SIK3: variants seen among roughly 807,000 people sequenced by gnomAD.
The protein encoded by SIK3 is serine/threonine-protein kinase SIK3.
In SIK3, 28 loss-of-function variants were observed where a neutral mutation model predicts 144.2. That is an observed-to-expected ratio of 0.19 (90% CI 0.14 to 0.27). SIK3 has a LOEUF of 0.27. Ranked by LOEUF, SIK3 falls within the 10% of genes least tolerant of loss-of-function variation. The pLI is 1.00. For synonymous variants in SIK3, 686 were observed against 676.3 expected, an observed-to-expected ratio of 1.01 and a Z score of -0.22; for missense variants, 1,319 against 1,776.0, an observed-to-expected ratio of 0.74 and a Z score of 4.62.
At chr11:116,894,246 G>A (rs1159123574) in intron 6 of SIK3, among the ~76,000 whole-genome samples, 1 of 152,004 alleles carries the variant, frequency 6.6e-6, no homozygotes, top group Non-Finnish European at 1.5e-5. Context: ...TTAATTCATG[G>A]ACCTCTTCTC....
intron 1 of SIK3, among the ~76,000 whole-genome samples, chr11:116,984,419 T>C (rs1950257105): frequency 6.6e-6 from 1 of 152,200 alleles, no homozygotes. Context: ...AATTCCTCAA[T>C]GCAATTTACC....
At chr11:116,871,733 T>C (rs1943980661) in intron 13 of SIK3, among the ~76,000 whole-genome samples, 1 of 152,122 alleles carries the variant, frequency 6.6e-6, no homozygotes. Context: ...ACTGACTTGA[T>C]ATGGCAAATA....
chr11:116,859,772 G>A (rs1048664466), intron 19 of SIK3, among the ~76,000 whole-genome samples, 168 bp from the exon 20 acceptor site: 1 of 152,148 alleles, frequency 6.6e-6, no homozygotes, highest in African/African-American at 2.4e-5. Flanking sequence ...AAGATTCCTG[G>A]GTCCTATCTA....
chr11:116,981,608 T>C (rs981247776), intron 1 of SIK3, among the ~76,000 whole-genome samples: 27 of 152,272 alleles, frequency 1.8e-4, no homozygotes, highest in Non-Finnish European at 2.6e-4. Context: ...ATCTGGAAAA[T>C]AGAATCTGCC....
chr11:116,934,130 T>C (rs1286325524), intron 3 of SIK3, among the ~76,000 whole-genome samples: 1 of 152,226 alleles, frequency 6.6e-6, no homozygotes, highest in African/African-American at 2.4e-5. Context: ...AAATGACACA[T>C]TCTACCCTAC....
chr11:117,013,294 C>A (rs1951346450), intron 1 of SIK3, among the ~76,000 whole-genome samples: 1 of 151,992 alleles, frequency 6.6e-6, no homozygotes, highest in African/African-American at 2.4e-5. Flanking sequence ...AGCTCGAGAC[C>A]AGCCTGGCCA....
chr11:117,095,679 T>G (rs572780632), intron 1 of SIK3, among the ~76,000 whole-genome samples: 7 of 152,368 alleles, frequency 4.6e-5, no homozygotes, highest in African/African-American at 1.7e-4. Flanking sequence ...CAGAGAAGCA[T>G]GGAGCAGGCC....
chr11:116,971,089 C>CTTT, intron 1 of SIK3, among the ~76,000 whole-genome samples: 1 of 152,158 alleles, frequency 6.6e-6, no homozygotes, highest in Non-Finnish European at 1.5e-5. Flanking sequence ...AGCATAACAC[C>CTTT]ACTGTTTGCC....
At chr11:116,852,739 G>A (rs1344918189) in intron 21 of SIK3, among the ~76,000 whole-genome samples, 1 of 152,222 alleles carries the variant, frequency 6.6e-6, no homozygotes, top group Non-Finnish European at 1.5e-5. Flanking sequence ...AACCCTGCTT[G>A]CAGAATTATG....
At chr11:116,914,610 C>T (rs964400037) in intron 4 of SIK3, among the ~76,000 whole-genome samples, 1 of 152,102 alleles carries the variant, frequency 6.6e-6, no homozygotes, top group African/African-American at 2.4e-5. Flanking sequence ...GGGGGAGATA[C>T]ACATGAAACA....
chr11:116,905,958 G>T (rs1946007148), intron 4 of SIK3, among the ~76,000 whole-genome samples: 1 of 152,254 alleles, frequency 6.6e-6, no homozygotes, highest in East Asian at 1.9e-4. Flanking sequence ...TTTAAATGTT[G>T]ATGAGGTCCA....
chr11:116,983,086 G>A (rs867526938), intron 1 of SIK3, among the ~76,000 whole-genome samples: 9 of 151,980 alleles, frequency 5.9e-5, no homozygotes, highest in Middle Eastern at 3.4e-3. Flanking sequence ...AATTAGCCGG[G>A]CGTGGTGGCA....
intron 1 of SIK3, among the ~76,000 whole-genome samples, chr11:117,050,764 G>A (rs187874803): frequency 3.7e-4 from 57 of 152,048 alleles, no homozygotes; most frequent in Non-Finnish European, 2.1e-4. Flanking sequence ...TAAAGGAGAG[G>A]CAAAATTTCA....
At chr11:116,947,811 A>G (rs112704540) in intron 3 of SIK3, among the ~76,000 whole-genome samples, 47,978 of 151,442 alleles carry the variant, frequency 0.32, 8,658 homozygotes, top group African/African-American at 0.5. Context: ...TGATCTGCCC[A>G]CCTCAGCCTC....
At chr11:116,954,217 G>A in intron 2 of SIK3, 110 bp from the exon 3 acceptor site, 1 of 768,416 alleles carries the variant, frequency 1.3e-6, no homozygotes, top group Non-Finnish European at 2.1e-6. Flanking sequence ...AACCACTATA[G>A]ATTAAAGAAA....
At chr11:116,868,383 C>T (rs1943769441) in intron 14 of SIK3, among the ~76,000 whole-genome samples, 1 of 152,184 alleles carries the variant, frequency 6.6e-6, no homozygotes, top group Non-Finnish European at 1.5e-5. Flanking sequence ...TCATTCTACT[C>T]GGTAGAAGAA....
rs1480128566 is a variant in SIK3 at position 116,858,513 on chromosome 11, A to T, written c.2952T>A (p.His984Gln). The T allele has an allele frequency of 6.2e-7, 1 of 1,612,042 alleles. No individual in the cohort carries two copies. Among genetic ancestry groups the T allele is most frequent in the South Asian group, 1.1e-5 (1 of 90,686 alleles). Reference sequence around the variant, plus strand: ...ACGTGGTATAGTGTGGCGGCTGCTGATGTGCACTGGGAGGGAAGGTGGGGA... The same window carrying T: ...ACGTGGTATAGTGTGGCGGCTGCTGTTGTGCACTGGGAGGGAAGGTGGGGA... ...DQFPTFPPSA[H>Q]QQPPHYTTSA... The change falls in exon 21 of 25, where the codon CAT (histidine) becomes CAA (glutamine). Residue 984 changes from histidine (H) to glutamine (Q), a missense_variant. By Grantham distance (24) the His-to-Gln change is conservative. Transcript: ENST00000445177. The surrounding 1 kb of genome is among the most constrained non-coding windows in gnomAD (Gnocchi z 5.4).
chr11:117,041,205 C>T (rs1952729052), intron 1 of SIK3, among the ~76,000 whole-genome samples: 1 of 152,016 alleles, frequency 6.6e-6, no homozygotes, highest in Admixed American at 6.6e-5. Context: ...TGGGGGATAG[C>T]AGGAAGTACT....
intron 1 of SIK3, among the ~76,000 whole-genome samples, chr11:117,026,641 T>G (rs1952021723): frequency 6.6e-6 from 1 of 152,208 alleles, no homozygotes; most frequent in Non-Finnish European, 1.5e-5. Flanking sequence ...CCAGGTCAGA[T>G]GTAAATATAA....
Sources: gnomAD v4.1 joint callset for allele counts (sites outside exome capture counted in the v4.1 genomes callset) on GRCh38, gnomAD v4.1.1 for gene constraint, Gnocchi (gnomAD v3.1) non-coding constraint, MANE v1.5 for transcripts, NCBI Gene and HGNC (gene_info 2026-07-23, HGNC 2026-07-21) for gene names.